Variants in MRPS33 observed in about 807,000 individuals in gnomAD.
MRPS33 encodes small ribosomal subunit protein mS33.
A neutral mutation model predicts 11.2 loss-of-function variants in MRPS33; 11 were observed. The ratio of observed to expected loss-of-function variants is 0.99; its 90% confidence interval spans 0.62 to 1.63. The LOEUF (loss-of-function observed/expected upper bound fraction) is 1.63. MRPS33 is among the 40% of genes most tolerant of loss of function. The pLI is 0.00. For synonymous variants in MRPS33, 46 were observed against 44.0 expected (o/e 1.05, Z -0.18); for missense variants, 109 against 127.8 (o/e 0.85, Z 0.71).
Position 141,003,362 on chromosome 7 carries a change from C to T in MRPS33, c.*3068G>A, listed in dbSNP as rs1048572735. 6.6e-6 allele frequency: 1 copy of T among 152,226 alleles called. No individual in the cohort carries two copies. The highest frequency in any genetic ancestry group is 1.9e-4 in the East Asian group (1 of 5,194). 9.4% of individuals were successfully genotyped at this position (152,226 alleles called of 1,614,324 possible). ...ACTTTTCCTTATCTTCTATTGATACCTTCCAGCTGGTCCATCGTACTTCTG... is the reference window on the plus strand; with the variant it reads ...ACTTTTCCTTATCTTCTATTGATACTTTCCAGCTGGTCCATCGTACTTCTG... On this transcript the variant is annotated 3_prime_UTR_variant, in exon 3 of 3. Transcript: ENST00000324787.
chr7:141,007,295 T>G (rs1247910394), intron 2 of MRPS33, among the ~76,000 whole-genome samples: 2 of 152,178 alleles, frequency 1.3e-5, no homozygotes, highest in East Asian at 3.9e-4. Context: ...CTTACCTCCC[T>G]GCACCTTAGT....
At chr7:141,008,665 ATTG>A (rs1416579524) in intron 2 of MRPS33, among the ~76,000 whole-genome samples, 1 of 152,204 alleles carries the variant, frequency 6.6e-6, no homozygotes, top group Non-Finnish European at 1.5e-5. Context: ...TAATTTTAGT[ATTG>A]TTGCCCAAAG....
intron 1 of MRPS33, among the ~76,000 whole-genome samples, chr7:141,013,760 A>G (rs1180831165): frequency 6.6e-6 from 1 of 152,244 alleles, no homozygotes; most frequent in Non-Finnish European, 1.5e-5. Context: ...AAACAAATTA[A>G]GCCCACATGA....
At chr7:141,007,261 G>A (rs987529977) in intron 2 of MRPS33, among the ~76,000 whole-genome samples, 11 of 152,128 alleles carry the variant, frequency 7.2e-5, no homozygotes, top group African/African-American at 2.4e-4. Context: ...CCATTTACTA[G>A]ATCTGTCACC....
At chr7:141,010,346 A>G (rs1820643990) in intron 2 of MRPS33, 73 bp downstream of exon 2, 1 of 1,447,420 alleles carries the variant, frequency 6.9e-7, no homozygotes, top group African/African-American at 1.4e-5. Flanking sequence ...AAGGATAGAA[A>G]GGCTAATTTT....
intron 2 of MRPS33, among the ~76,000 whole-genome samples, chr7:141,007,833 TC>T (rs1441286044): frequency 3.3e-5 from 5 of 152,200 alleles, no homozygotes; most frequent in Admixed American, 1.3e-4. Context: ...GCAGGCCCCG[TC>T]AGCACTCTGG....
In MRPS33 at chr7:141,006,524, T is replaced by C; in HGVS notation, c.227A>G (p.Gln76Arg). ...RFLGLYRDEH[Q>R]DFMDEQKRLK... is the part of the protein sequence containing the mutation. ...TCGTTTTTGCTCATCCATAAAATCC[T>C]GATGCTCATCTCTGAATGAAGAAGG... is the stretch of plus-strand genomic sequence containing the variant. The change falls in exon 3 of 3, where the codon CAG becomes CGG. Residue 76 changes from glutamine (Q) to arginine (R), a missense_variant. Coordinates refer to ENST00000324787, the MANE Select transcript of MRPS33 (RefSeq NM_053035.3). 1 of 1,613,614 alleles carries C rather than the reference T, an allele frequency of 6.2e-7. No homozygotes were observed. Among genetic ancestry groups the C allele is most frequent in the South Asian group, 1.1e-5 (1 of 91,054 alleles).
In MRPS33 at chr7:141,010,596, C is replaced by A. The variant is rs61740816; in HGVS notation, c.38G>T (p.Arg13Leu). ...TTCACCAAATAGCCGGGCACTGAGA[C>A]GAGACATGCGGAAGGCATATTCTGA... ...SLSEYAFRMS[R>L]LSARLFGEVT... Residue 13 changes from arginine (R) to leucine (L), a missense_variant, in exon 2 of 3, where the codon CGT (arginine) becomes CTT (leucine). Transcript: ENST00000324787. 6.2e-7 allele frequency: 1 copy of A among 1,614,098 alleles called. No homozygotes were observed. Among genetic ancestry groups the A allele is most frequent in the Non-Finnish European group, 8.5e-7 (1 of 1,180,034 alleles).
chr7:141,013,630 A>C (rs1820731870), intron 1 of MRPS33, among the ~76,000 whole-genome samples: 1 of 152,248 alleles, frequency 6.6e-6, no homozygotes, highest in Admixed American at 6.5e-5. Flanking sequence ...CGGGGAGTAC[A>C]AGTCACTTTA....
rs558057149 is a variant in MRPS33 at position 141,005,878 on chromosome 7, A to G, written c.*552T>C. On this transcript the variant is annotated 3_prime_UTR_variant, in exon 3 of 3. Coordinates refer to ENST00000324787, the MANE Select transcript of MRPS33 (RefSeq NM_053035.3). ...TCTCTTGCTAACCACGTGTATTACC[A>G]GGGCCCCAATATCTTGTACAGAGCA... 38 of 152,812 alleles carry G rather than the reference A, an allele frequency of 2.5e-4. No homozygotes were observed. Among genetic ancestry groups the G allele is most frequent in the African/African-American group, 8.9e-4 (37 of 41,562 alleles). 9.5% of individuals were successfully genotyped at this position (152,812 alleles called of 1,614,324 possible). A position where few individuals can be genotyped will look rare whatever the true frequency, so the allele number is the denominator to read the frequency against.
rs556193877 is a variant in MRPS33 at position 141,004,725 on chromosome 7, A to G, written c.*1705T>C. The G allele has an allele frequency of 1.4e-4, 21 of 152,318 alleles. No individual in the cohort carries two copies. The highest frequency in any genetic ancestry group is 4.6e-4 in the African/African-American group (19 of 41,574). The allele number at this position is 152,318 out of a possible 1,614,324, so 9.4% of individuals were successfully genotyped here. A position where few individuals can be genotyped will look rare whatever the true frequency, so the allele number is the denominator to read the frequency against. ...ACTGGACATGCTAAAGATTCAGAAC[A>G]ACTGTTGGAAAAAAAAATCAGAGAA... On this transcript the variant is annotated 3_prime_UTR_variant, in exon 3 of 3. Transcript: ENST00000324787.
intron 1 of MRPS33, among the ~76,000 whole-genome samples, chr7:141,011,771 T>G (rs187987680): frequency 3.9e-4 from 60 of 152,038 alleles, no homozygotes; most frequent in African/African-American, 1.4e-3. Context: ...ATAAAAATGG[T>G]GCCAAGTGAA....
intron 2 of MRPS33, among the ~76,000 whole-genome samples, chr7:141,009,460 C>T (rs989361399): frequency 1.3e-5 from 2 of 151,722 alleles, no homozygotes. Context: ...CAGAGATGCA[C>T]ACAGTTCTAA....
At position 141,003,065 on chromosome 7, in the gene MRPS33, TAC is replaced by T. The variant is rs1335100831; in HGVS notation, c.*3363_*3364del. 1.3e-5 allele frequency: 2 copies of T among 152,308 alleles called. No individual in the cohort carries two copies. Among genetic ancestry groups the T allele is most frequent in the African/African-American group, 2.4e-5 (1 of 41,454 alleles). 9.4% of individuals were successfully genotyped at this position (152,308 alleles called of 1,614,324 possible). ...TAACTGACGTCACATAATCAGTAAGTACACTGTATCACAAACCCATGACTTTT... is the reference window on the plus strand; with the variant it reads ...TAACTGACGTCACATAATCAGTAAGTACTGTATCACAAACCCATGACTTTT... On this transcript the variant is annotated 3_prime_UTR_variant, in exon 3 of 3. Coordinates refer to ENST00000324787, the MANE Select transcript of MRPS33 (RefSeq NM_053035.3).
At chr7:141,007,988 ACTCTGT>A (rs2129164495) in intron 2 of MRPS33, among the ~76,000 whole-genome samples, 1 of 151,894 alleles carries the variant, frequency 6.6e-6, no homozygotes, top group Non-Finnish European at 1.5e-5. Context: ...CTTTCTGGCG[ACTCTGT>A]CTCTGTTGAT....
At chr7:141,007,264 C>CT (rs2129164334) in intron 2 of MRPS33, among the ~76,000 whole-genome samples, 1 of 152,274 alleles carries the variant, frequency 6.6e-6, no homozygotes, top group Admixed American at 6.5e-5. Context: ...TTTACTAGAT[C>CT]TGTCACCTTG....
chr7:141,008,683 C>A (rs1391758747), intron 2 of MRPS33, among the ~76,000 whole-genome samples: 2 of 152,128 alleles, frequency 1.3e-5, no homozygotes, highest in East Asian at 3.8e-4. Flanking sequence ...CCAAAGACAA[C>A]TCCAATTACA....
At chr7:141,009,297 A>G (rs1237005958) in intron 2 of MRPS33, among the ~76,000 whole-genome samples, 1 of 150,972 alleles carries the variant, frequency 6.6e-6, no homozygotes, top group Non-Finnish European at 1.5e-5. Context: ...ACGCCCAGCT[A>G]ATTTTTGTAT....
At position 141,010,447 on chromosome 7, in the gene MRPS33, G is replaced by A. The variant is rs1160194537; in HGVS notation, c.187C>T (p.Gln63Ter). 6.2e-7 allele frequency: 1 copy of A among 1,614,152 alleles called. No homozygotes were observed. Residue 63 changes from glutamine (Q) to a stop codon, truncating the protein, a stop_gained, in exon 2 of 3, where the codon CAG (glutamine) becomes TAG (stop). Coordinates refer to ENST00000324787, the MANE Select transcript of MRPS33 (RefSeq NM_053035.3). LOFTEE classifies it high-confidence loss of function. ...PNHHTYAELM[Q>*]TLRFLGLYRD... is the part of the protein sequence containing the mutation. The stretch of plus-strand genomic sequence containing the variant: ...TAGAGTCCAAGAAATCGGAGCGTCT[G>A]CATGAGTTCAGCGTAAGTGTGGTGA...
Sources: gnomAD v4.1 joint callset for allele counts (sites outside exome capture counted in the v4.1 genomes callset) on GRCh38, gnomAD v4.1.1 for gene constraint, MANE v1.5 for transcripts, NCBI Gene and HGNC (gene_info 2026-07-23, HGNC 2026-07-21) for gene names.